RAD18: variants seen among roughly 807,000 people sequenced by gnomAD.
RAD18 encodes the protein RAD18 E3 ubiquitin protein ligase, also known as E3 ubiquitin-protein ligase RAD18.
A neutral mutation model predicts 60.4 loss-of-function variants in RAD18; 47 were observed. That is an observed-to-expected ratio of 0.78 (90% CI 0.62 to 0.99). The LOEUF (loss-of-function observed/expected upper bound fraction) is 0.99, where lower values mean the gene tolerates loss of function less well. RAD18 is among the 50% of genes least tolerant of loss of function. The pLI, the probability that RAD18 is intolerant of heterozygous loss-of-function variation, is 0.00. For synonymous variants in RAD18, 225 were observed against 195.5 expected (o/e 1.15, Z -1.26); for missense variants, 640 against 593.3 (o/e 1.08, Z -0.82).
At chr3:8,933,168 CT>C (rs1940588899) in intron 7 of RAD18, among the ~76,000 whole-genome samples, 1 of 151,844 alleles carries the variant, frequency 6.6e-6, no homozygotes, top group African/African-American at 2.4e-5. Flanking sequence ...ATGGAAAAAT[CT>C]CAAAAGTATT....
chr3:8,892,069 T>C (rs1215516198), intron 11 of RAD18, among the ~76,000 whole-genome samples: 1 of 152,224 alleles, frequency 6.6e-6, no homozygotes, highest in Non-Finnish European at 1.5e-5. Flanking sequence ...TTAATATGCC[T>C]TGAGGATCAA....
chr3:8,926,108 G>C (rs910851190), intron 7 of RAD18, among the ~76,000 whole-genome samples: 4 of 152,102 alleles, frequency 2.6e-5, no homozygotes, highest in African/African-American at 7.2e-5. Context: ...ATTAGGAAAA[G>C]AGGAAGTCAA....
At chr3:8,939,523 G>C (rs774179525) in intron 6 of RAD18, 31 bp downstream of exon 6, 51 of 1,562,726 alleles carry the variant, frequency 3.3e-5, no homozygotes, top group Non-Finnish European at 3.7e-5. Context: ...CCCAGCTAAA[G>C]TAGCTCAATG....
chr3:8,893,153 A>C (rs1283771386), intron 11 of RAD18, among the ~76,000 whole-genome samples: 2 of 152,264 alleles, frequency 1.3e-5, no homozygotes, highest in Admixed American at 1.3e-4. Flanking sequence ...CTCTATTTTA[A>C]TCTTTGATTT....
chr3:8,957,830 T>A (rs1383213870), intron 2 of RAD18, among the ~76,000 whole-genome samples: 1 of 152,224 alleles, frequency 6.6e-6, no homozygotes, highest in Non-Finnish European at 1.5e-5. Context: ...TTAATTGCAG[T>A]AGTAACACAG....
Position 8,881,191 on chromosome 3 carries a change from TA to T in RAD18, c.*165del. On this transcript the variant is annotated 3_prime_UTR_variant, in exon 13 of 13. Transcript: ENST00000264926. The stretch of plus-strand genomic sequence containing the variant: ...CAACTGACCAAGTAAGGATATTTTG[TA>T]ACATTTTTCCCCTCTGGAAAAGCAG... 1 of 605,796 alleles carries T rather than the reference TA, an allele frequency of 1.7e-6. No homozygotes were observed. Among genetic ancestry groups the T allele is most frequent in the East Asian group, 3.0e-5 (1 of 32,994 alleles). 37.5% of individuals were successfully genotyped at this position (605,796 alleles called of 1,614,324 possible).
At chr3:8,918,694 A>C (rs760995600) in intron 7 of RAD18, among the ~76,000 whole-genome samples, 11 of 152,082 alleles carry the variant, frequency 7.2e-5, no homozygotes, top group Non-Finnish European at 1.3e-4. Flanking sequence ...AGAAAAATCT[A>C]CTCTTTATAA....
At chr3:8,926,859 T>C (rs375570271) in intron 7 of RAD18, among the ~76,000 whole-genome samples, 2 of 152,152 alleles carry the variant, frequency 1.3e-5, no homozygotes, top group Non-Finnish European at 2.9e-5. Context: ...TAGCCATATG[T>C]AGAAAGCTGA....
intron 10 of RAD18, among the ~76,000 whole-genome samples, chr3:8,900,934 A>T (rs2125050697): frequency 6.6e-6 from 1 of 152,270 alleles, no homozygotes; most frequent in East Asian, 1.9e-4. Flanking sequence ...TCAACTAATT[A>T]AAAAAACTTT....
At chr3:8,929,936 T>G (rs1316870094) in intron 7 of RAD18, among the ~76,000 whole-genome samples, 1 of 152,208 alleles carries the variant, frequency 6.6e-6, no homozygotes, top group Non-Finnish European at 1.5e-5. Flanking sequence ...CATGAGCCAC[T>G]GCGCCCGGCA....
Position 8,878,313 on chromosome 3 carries a change from T to G in RAD18, c.*3044A>C, listed in dbSNP as rs1327592968. 6.6e-6 allele frequency: 1 copy of G among 152,064 alleles called. No individual in the cohort carries two copies. The highest frequency in any genetic ancestry group is 1.5e-5 in the Non-Finnish European group (1 of 67,998). 9.4% of individuals were successfully genotyped at this position (152,064 alleles called of 1,614,324 possible). On this transcript the variant is annotated 3_prime_UTR_variant, in exon 13 of 13. Transcript: ENST00000264926. Reference sequence around the variant, plus strand: ...CATGGGTGTTAATGTAAATACTTGTTTACAGCCTCAGATAGTTGTTCTTAA... The same window carrying G: ...CATGGGTGTTAATGTAAATACTTGTGTACAGCCTCAGATAGTTGTTCTTAA...
chr3:8,920,278 CA>C (rs60504682), intron 7 of RAD18, among the ~76,000 whole-genome samples: 7,894 of 69,994 alleles, frequency 0.11, 371 homozygotes, highest in African/African-American at 0.32. Flanking sequence ...GACTCCGTCT[CA>C]AAAAAAAAAA....
At chr3:8,929,675 TC>T (rs1373797681) in intron 7 of RAD18, among the ~76,000 whole-genome samples, 5 of 150,150 alleles carry the variant, frequency 3.3e-5, no homozygotes, top group Non-Finnish European at 5.9e-5. Flanking sequence ...GGAGTCTCAC[TC>T]TGTTGCCCAG....
intron 7 of RAD18, among the ~76,000 whole-genome samples, chr3:8,930,968 G>A (rs1940542839): frequency 6.6e-6 from 1 of 152,084 alleles, no homozygotes; most frequent in Non-Finnish European, 1.5e-5. Flanking sequence ...AAGGATGTTT[G>A]CCCACACCAC....
At chr3:8,945,069 T>A (rs1293480575) in intron 4 of RAD18, among the ~76,000 whole-genome samples, 1 of 152,218 alleles carries the variant, frequency 6.6e-6, no homozygotes, top group African/African-American at 2.4e-5. Context: ...ATTAGGACTA[T>A]AAGTAACCTA....
chr3:8,948,522 G>A lies in RAD18; in HGVS notation c.182C>T (p.Pro61Leu), dbSNP rs1357591297. Residue 61 changes from proline (P) to leucine (L), a missense_variant, in exon 3 of 13, where the codon CCA (proline) becomes CTA (leucine). Physicochemically the swap from Pro to Leu is moderately conservative, Grantham distance 98. Transcript: ENST00000264926. Reference sequence around the variant, plus strand: ...ACAAAAACTCACCACACAGCAAGTTGGACACTGAGTTTTATAGGACAGAAA... The same window carrying A: ...ACAAAAACTCACCACACAGCAAGTTAGACACTGAGTTTTATAGGACAGAAA... ...RKFLSYKTQC[P>L]TCCVTVTEPD... The A allele has an allele frequency of 6.2e-7, 1 of 1,612,300 alleles. No homozygotes were observed. The highest frequency in any genetic ancestry group is 1.3e-5 in the African/African-American group (1 of 74,846).
At chr3:8,945,956 G>C (rs1384630949) in intron 4 of RAD18, among the ~76,000 whole-genome samples, 1 of 152,176 alleles carries the variant, frequency 6.6e-6, no homozygotes, top group East Asian at 1.9e-4. Context: ...AGTTTACAAA[G>C]TGTAAAAGTT....
At chr3:8,962,704 G>A (rs953222387) in intron 1 of RAD18, among the ~76,000 whole-genome samples, 1 of 152,152 alleles carries the variant, frequency 6.6e-6, no homozygotes, top group Admixed American at 6.5e-5. Flanking sequence ...AACAGAAAGT[G>A]GCCACAAAAA....
At chr3:8,958,421 A>G (rs1941044730) in intron 2 of RAD18, among the ~76,000 whole-genome samples, 1 of 152,212 alleles carries the variant, frequency 6.6e-6, no homozygotes, top group Non-Finnish European at 1.5e-5. Flanking sequence ...AAAGAGAAGT[A>G]CAAACAAATT....
Sources: allele counts gnomAD v4.1 joint callset (sites outside exome capture counted in the v4.1 genomes callset), GRCh38; gene constraint gnomAD v4.1.1; transcripts MANE v1.5; gene names NCBI Gene and HGNC (gene_info 2026-07-23, HGNC 2026-07-21).